DLG2: variants seen among roughly 807,000 people sequenced by gnomAD.
DLG2 encodes discs large MAGUK scaffold protein 2.
DLG2 carries 45 observed loss-of-function variants against 132.5 expected under a neutral mutation model. The ratio of observed to expected loss-of-function variants is 0.34; its 90% CI spans 0.27 to 0.44. DLG2 has a LOEUF of 0.44. Among genes scored for constraint, DLG2 ranks in the 20% least tolerant of loss-of-function variants. The pLI, the probability that DLG2 is intolerant of heterozygous loss-of-function variation, is 1.00. For synonymous variants in DLG2, 424 were observed against 419.6 expected (o/e 1.01, Z -0.13); for missense variants, 1,045 against 1,196.9 (o/e 0.87, Z 1.87).
intron 3 of DLG2, among the ~76,000 whole-genome samples, chr11:85,371,755 C>T (rs993835613): frequency 3.9e-5 from 6 of 152,172 alleles, no homozygotes; most frequent in African/African-American, 1.4e-4. Context: ...TCACCCAACT[C>T]ACAAGTATTT....
chr11:83,974,682 A>C (rs12794213), intron 12 of DLG2, among the ~76,000 whole-genome samples: 6,462 of 152,150 alleles, frequency 0.042, 197 homozygotes, highest in Non-Finnish European at 0.067. Flanking sequence ...AATATTTTAA[A>C]GCATACTTTT....
chr11:83,856,778 C>G (rs769575050), intron 16 of DLG2, among the ~76,000 whole-genome samples: 4 of 152,100 alleles, frequency 2.6e-5, no homozygotes, highest in Non-Finnish European at 4.4e-5. Context: ...TGTAGGTGGT[C>G]AGTTTACTCT....
intron 11 of DLG2, among the ~76,000 whole-genome samples, chr11:83,987,068 G>A (rs964254751): frequency 6.6e-6 from 1 of 152,036 alleles, no homozygotes; most frequent in African/African-American, 2.4e-5. Flanking sequence ...AGTTTAATTT[G>A]ATCCCATTTG....
At chr11:83,866,962 T>C (rs910338532) in intron 16 of DLG2, among the ~76,000 whole-genome samples, 1 of 152,218 alleles carries the variant, frequency 6.6e-6, no homozygotes, top group African/African-American at 2.4e-5. Flanking sequence ...GGAGATATTA[T>C]TCCTCCATTT....
intron 9 of DLG2, among the ~76,000 whole-genome samples, chr11:84,142,163 A>T (rs182946758): frequency 2.8e-4 from 42 of 152,056 alleles, no homozygotes; most frequent in African/African-American, 9.9e-4. Flanking sequence ...TTAGCTGCAC[A>T]TGGTGGCACA....
At chr11:85,137,681 G>T (rs1007096426) in intron 5 of DLG2, among the ~76,000 whole-genome samples, 1 of 152,122 alleles carries the variant, frequency 6.6e-6, no homozygotes, top group South Asian at 2.1e-4. Context: ...AGAAGGAATG[G>T]ACTCCACATT....
At chr11:84,844,463 C>G (rs988431600) in intron 6 of DLG2, among the ~76,000 whole-genome samples, 6 of 151,806 alleles carry the variant, frequency 4.0e-5, no homozygotes, top group African/African-American at 1.4e-4. Flanking sequence ...CAGGGACTAC[C>G]CATCTTCAAG....
chr11:84,346,842 C>T (rs1298291472), intron 7 of DLG2, among the ~76,000 whole-genome samples: 1 of 152,210 alleles, frequency 6.6e-6, no homozygotes, highest in African/African-American at 2.4e-5. Flanking sequence ...TCCCAAGAGA[C>T]TGCAGTTTTC....
chr11:84,314,007 T>C lies in DLG2; in HGVS notation c.520-62716A>G, dbSNP rs145894730. 4.8e-3 allele frequency among the ~76,000 whole-genome samples: 729 copies of C among 152,304 alleles called. 11 individuals are homozygous for C. Among genetic ancestry groups the C allele is most frequent in the African/African-American group, 0.016 (677 of 41,552 alleles). ...TTTTCAGACCTGCTGAGGAACAACA[T>C]AATGACAGAGTCCTGTTAGTACACA... On this transcript the variant is annotated intron_variant, in intron 7 of 27. Transcript: ENST00000376104.
chr11:85,217,324 A>T (rs1219956884), intron 4 of DLG2, among the ~76,000 whole-genome samples: 2 of 151,492 alleles, frequency 1.3e-5, no homozygotes, highest in Admixed American at 1.3e-4. Context: ...TCTCTCACAC[A>T]CACACACACA....
At chr11:84,821,349 G>A (rs1424613946) in intron 6 of DLG2, among the ~76,000 whole-genome samples, 3 of 151,582 alleles carry the variant, frequency 2.0e-5, no homozygotes, top group Admixed American at 6.6e-5. Flanking sequence ...GGCTTTCTGG[G>A]CCCTATGTCT....
intron 6 of DLG2, among the ~76,000 whole-genome samples, chr11:84,863,123 T>C (rs1031102361): frequency 4.6e-5 from 7 of 151,964 alleles, no homozygotes; most frequent in Admixed American, 3.9e-4. Flanking sequence ...TGTAGATCCT[T>C]TTATCACAAT....
chr11:84,419,718 A>C (rs975950779), intron 7 of DLG2, among the ~76,000 whole-genome samples: 5 of 152,176 alleles, frequency 3.3e-5, no homozygotes, highest in African/African-American at 1.2e-4. Context: ...TGCGAGTACC[A>C]TCTCAAGTGT....
intron 15 of DLG2, among the ~76,000 whole-genome samples, chr11:83,907,387 A>C (rs1156354538): frequency 6.6e-6 from 1 of 152,166 alleles, no homozygotes. Context: ...ATAATAGAGA[A>C]TAGAATTGAG....
Position 85,406,397 on chromosome 11 carries a change from A to G in DLG2, c.41-121032T>C, listed in dbSNP as rs75138665. On this transcript the variant is annotated intron_variant, in intron 3 of 27. Transcript: ENST00000376104. Reference sequence around the variant, plus strand: ...TGTAGGGAAGTGGAGGAAATTCTGAAAGGAATTTTTAAAAAAACAGAAAAA... The same window carrying G: ...TGTAGGGAAGTGGAGGAAATTCTGAGAGGAATTTTTAAAAAAACAGAAAAA... Among the ~76,000 whole-genome samples the G allele has an allele frequency of 8.2e-3, 1,243 of 152,006 alleles. 13 individuals carry two copies. The highest frequency in any genetic ancestry group is 0.028 in the African/African-American group (1,168 of 41,510).
chr11:85,264,740 C>G (rs528531055), intron 4 of DLG2, among the ~76,000 whole-genome samples: 34 of 152,284 alleles, frequency 2.2e-4, no homozygotes, highest in Middle Eastern at 3.4e-3. Context: ...AAGCATCTTT[C>G]TCTCTCAAAA....
At chr11:84,690,836 G>C (rs140393413) in intron 6 of DLG2, among the ~76,000 whole-genome samples, 28 of 151,930 alleles carry the variant, frequency 1.8e-4, no homozygotes, top group African/African-American at 6.0e-4. Context: ...TGATTCCAAA[G>C]ACTTTGCATT....
At chr11:84,906,600 G>T (rs1300028092) in intron 6 of DLG2, among the ~76,000 whole-genome samples, 1 of 152,112 alleles carries the variant, frequency 6.6e-6, no homozygotes, top group South Asian at 2.1e-4. Context: ...TAACTCCTAA[G>T]GATATAATGT....
At chr11:83,756,982 T>G (rs1464450572) in intron 18 of DLG2, among the ~76,000 whole-genome samples, 1 of 152,220 alleles carries the variant, frequency 6.6e-6, no homozygotes, top group Non-Finnish European at 1.5e-5. Context: ...TATTGTATAT[T>G]AAACAAACAT....
Sources: allele counts gnomAD v4.1 joint callset (sites outside exome capture counted in the v4.1 genomes callset), GRCh38; gene constraint gnomAD v4.1.1; transcripts MANE v1.5; gene names NCBI Gene and HGNC (gene_info 2026-07-23, HGNC 2026-07-21).